The following TRAPPC9 variants were observed in gnomAD, a reference collection of about 807,000 sequenced individuals.
The protein encoded by TRAPPC9 is trafficking protein particle complex subunit 9.
A neutral mutation model predicts 124.0 loss-of-function variants in TRAPPC9; 83 were observed. The ratio of observed to expected loss-of-function variants is 0.67; its 90% CI spans 0.56 to 0.80. TRAPPC9 has a LOEUF of 0.80. Ranked by LOEUF, TRAPPC9 falls within the 30% of genes least tolerant of loss-of-function variation. The pLI, the probability that TRAPPC9 is intolerant of heterozygous loss-of-function variation, is 0.00. For missense variants in TRAPPC9, 1,302 were observed against 1,508.3 expected (o/e 0.86, Z 2.27); for synonymous variants, 638 against 617.5 (o/e 1.03, Z -0.49).
intron 17 of TRAPPC9, chr8:140,099,249 G>C (rs753141832): frequency 6.6e-6 from 1 of 151,504 alleles, no homozygotes; most frequent in African/African-American, 2.4e-5. Context: ...GCAGTCCGCA[G>C]GGTACTGACG....
In TRAPPC9 at chr8:139,854,524, A is replaced by C. The variant is rs112669994; in HGVS notation, c.3055+31355T>G. Among the ~76,000 whole-genome samples the C allele has an allele frequency of 1.4e-3, 215 of 152,322 alleles. 1 individual carries two copies. The highest frequency in any genetic ancestry group is 5.0e-3 in the African/African-American group (207 of 41,576). ...CCCAGCACACAGAACGCCTTCAGTA[A>C]GGGCAGCCCATCAGCCACCCAGATT... is the stretch of plus-strand genomic sequence containing the variant. On this transcript the variant is annotated intron_variant, in intron 21 of 22. Coordinates refer to ENST00000438773, the MANE Select transcript of TRAPPC9 (RefSeq NM_001160372.4).
At chr8:139,799,290 T>C (rs1272570004) in intron 21 of TRAPPC9, among the ~76,000 whole-genome samples, 1 of 152,106 alleles carries the variant, frequency 6.6e-6, no homozygotes, top group Non-Finnish European at 1.5e-5. Flanking sequence ...AATCCACCCA[T>C]CCTGAATTCC....
intron 7 of TRAPPC9, among the ~76,000 whole-genome samples, chr8:140,395,383 A>C (rs532071098): frequency 6.6e-6 from 1 of 152,272 alleles, no homozygotes; most frequent in Non-Finnish European, 1.5e-5. Context: ...CAGTAAATAC[A>C]CTTTACAGAA....
At chr8:140,028,574 ACT>A (rs2131952045) in intron 17 of TRAPPC9, among the ~76,000 whole-genome samples, 1 of 152,230 alleles carries the variant, frequency 6.6e-6, no homozygotes, top group East Asian at 1.9e-4. Context: ...TGCACAGCCC[ACT>A]CTCTTGCCAT....
At chr8:139,963,521 G>C (rs964757994) in intron 19 of TRAPPC9, among the ~76,000 whole-genome samples, 1 of 152,044 alleles carries the variant, frequency 6.6e-6, no homozygotes, top group African/African-American at 2.4e-5. Flanking sequence ...TGGGAGACTC[G>C]TCCTTTCAGT....
chr8:140,372,781 G>A (rs562423867), intron 7 of TRAPPC9, among the ~76,000 whole-genome samples: 2 of 152,198 alleles, frequency 1.3e-5, no homozygotes, highest in Non-Finnish European at 2.9e-5. Flanking sequence ...GCCCTCCCCA[G>A]ACACCAAACA....
intron 21 of TRAPPC9, among the ~76,000 whole-genome samples, chr8:139,782,100 C>G (rs966739715): frequency 1.3e-5 from 2 of 152,068 alleles, no homozygotes; most frequent in Non-Finnish European, 2.9e-5. Flanking sequence ...GAAAAAGGGG[C>G]CAGGTGTGGT....
At chr8:139,816,178 C>T (rs953086898) in intron 21 of TRAPPC9, among the ~76,000 whole-genome samples, 16 of 152,156 alleles carry the variant, frequency 1.1e-4, no homozygotes, top group African/African-American at 3.6e-4. Context: ...GGTGTGGAGG[C>T]CTGGAAGGCC....
At chr8:139,842,662 AG>A (rs1826809247) in intron 21 of TRAPPC9, among the ~76,000 whole-genome samples, 1 of 6,548 alleles carries the variant, frequency 1.5e-4, no homozygotes, top group South Asian at 3.6e-3. Flanking sequence ...AGGGGCTGGC[AG>A]GGGGTGGGGA....
intron 4 of TRAPPC9, among the ~76,000 whole-genome samples, chr8:140,429,598 G>T (rs2070559324): frequency 6.6e-6 from 1 of 152,024 alleles, no homozygotes; most frequent in Non-Finnish European, 1.5e-5. Context: ...TTGAGGTCAG[G>T]AGTTTGCGAC....
chr8:140,221,910 G>A (rs1338926873), intron 16 of TRAPPC9, among the ~76,000 whole-genome samples: 1 of 152,184 alleles, frequency 6.6e-6, no homozygotes, highest in Non-Finnish European at 1.5e-5. Context: ...TGACTGTAAG[G>A]AGCATGCCAG....
intron 21 of TRAPPC9, among the ~76,000 whole-genome samples, chr8:139,828,539 G>A (rs544109310): frequency 4.6e-5 from 7 of 152,302 alleles, no homozygotes; most frequent in African/African-American, 1.4e-4. Flanking sequence ...TTACCAAATC[G>A]GGAAATGCTC....
chr8:140,454,057 G>C (rs2071564122), intron 1 of TRAPPC9, among the ~76,000 whole-genome samples: 1 of 152,208 alleles, frequency 6.6e-6, no homozygotes. Flanking sequence ...GGGAGACAGA[G>C]GCGGGAGGAT....
At chr8:139,856,019 G>A (rs1320022750) in intron 21 of TRAPPC9, among the ~76,000 whole-genome samples, 5 of 152,138 alleles carry the variant, frequency 3.3e-5, no homozygotes, top group Non-Finnish European at 5.9e-5. Context: ...CCCCAACTCC[G>A]AGTCCCAGGG....
chr8:140,025,279 T>A (rs1840072965), intron 17 of TRAPPC9, among the ~76,000 whole-genome samples: 1 of 152,170 alleles, frequency 6.6e-6, no homozygotes, highest in Non-Finnish European at 1.5e-5. Flanking sequence ...ACACAGCAGA[T>A]CCAGCCCATG....
intron 20 of TRAPPC9, among the ~76,000 whole-genome samples, chr8:139,904,221 T>C (rs1563909936): frequency 1.3e-5 from 2 of 152,126 alleles, no homozygotes; most frequent in Non-Finnish European, 2.9e-5. Context: ...GACGGCACAA[T>C]CTGGCAAGGG....
chr8:139,752,928 C>A (rs956287450), intron 21 of TRAPPC9, among the ~76,000 whole-genome samples: 41 of 144,664 alleles, frequency 2.8e-4, no homozygotes, highest in Non-Finnish European at 5.4e-4. Context: ...CCAGCATCTA[C>A]CCATGCATCC....
At chr8:140,129,710 C>T (rs1420951159) in intron 17 of TRAPPC9, among the ~76,000 whole-genome samples, 2 of 150,814 alleles carry the variant, frequency 1.3e-5, no homozygotes, top group East Asian at 3.9e-4. Context: ...CCAGCTTTCT[C>T]CCCAAGAGAA....
chr8:140,009,440 A>T (rs2131839652), intron 18 of TRAPPC9, among the ~76,000 whole-genome samples: 1 of 152,374 alleles, frequency 6.6e-6, no homozygotes, highest in Admixed American at 6.5e-5. Context: ...ACATTTATTT[A>T]TACTTTGTAC....
Sources: gnomAD v4.1 joint callset for allele counts (sites outside exome capture counted in the v4.1 genomes callset) on GRCh38, gnomAD v4.1.1 for gene constraint, MANE v1.5 for transcripts, NCBI Gene and HGNC (gene_info 2026-07-23, HGNC 2026-07-21) for gene names.